The following MPHOSPH8 variants were observed in gnomAD, a reference collection of about 807,000 sequenced individuals.
MPHOSPH8 encodes the protein M-phase phosphoprotein, mpp.
MPHOSPH8 carries 45 observed loss-of-function variants against 87.3 expected under a neutral mutation model. The ratio of observed to expected loss-of-function variants is 0.52; its 90% CI spans 0.41 to 0.66. The LOEUF (loss-of-function observed/expected upper bound fraction) is 0.66. Ranked by LOEUF, MPHOSPH8 falls within the 30% of genes least tolerant of loss-of-function variation. The probability of loss-of-function intolerance (pLI) is 0.00; values close to 1 mark genes in which losing one functional copy is unlikely to be tolerated. For synonymous variants in MPHOSPH8, 366 were observed against 376.9 expected (o/e 0.97, Z 0.33); for missense variants, 883 against 1,020.2 (o/e 0.87, Z 1.83).
intron 4 of MPHOSPH8, among the ~76,000 whole-genome samples, chr13:19,649,599 T>C (rs556386447): frequency 4.2e-4 from 64 of 152,324 alleles, no homozygotes; most frequent in Non-Finnish European, 8.4e-4. Context: ...CCCTGCTGTT[T>C]CCCTCACTTG....
At chr13:19,641,897 G>T (rs1347301492) in intron 1 of MPHOSPH8, among the ~76,000 whole-genome samples, 1 of 152,022 alleles carries the variant, frequency 6.6e-6, no homozygotes, top group African/African-American at 2.4e-5. Context: ...ACCTCCCAAA[G>T]TGCTGGGATT....
At position 19,672,961 on chromosome 13, in the gene MPHOSPH8, T is replaced by C; in HGVS notation, c.*1086T>C. The C allele has an allele frequency of 2.5e-6, 1 of 393,780 alleles. No homozygotes were observed. The highest frequency in any genetic ancestry group is 1.9e-5 in the South Asian group (1 of 51,744). 24.4% of individuals were successfully genotyped at this position (393,780 alleles called of 1,614,324 possible). On this transcript the variant is annotated 3_prime_UTR_variant, in exon 14 of 14. Coordinates refer to ENST00000361479, the MANE Select transcript of MPHOSPH8 (RefSeq NM_017520.4). Reference sequence around the variant, plus strand: ...GTCCCAGATACTCAGGAGGCTGAGGTGAAAGGATTGCTTGAGCCAGGGAGG... The same window carrying C: ...GTCCCAGATACTCAGGAGGCTGAGGCGAAAGGATTGCTTGAGCCAGGGAGG...
At chr13:19,655,476 C>T (rs913796707) in intron 5 of MPHOSPH8, among the ~76,000 whole-genome samples, 2 of 137,926 alleles carry the variant, frequency 1.5e-5, no homozygotes, top group Non-Finnish European at 3.0e-5. Flanking sequence ...TCAAAAACAC[C>T]ACCACCACCA....
chr13:19,662,450 G>A (rs1204391539), intron 8 of MPHOSPH8, among the ~76,000 whole-genome samples: 1 of 151,848 alleles, frequency 6.6e-6, no homozygotes, highest in Non-Finnish European at 1.5e-5. Flanking sequence ...TAAAGACATG[G>A]TCTCACTGTG....
intron 9 of MPHOSPH8, among the ~76,000 whole-genome samples, chr13:19,664,882 G>A (rs1311946558): frequency 6.6e-6 from 1 of 152,138 alleles, no homozygotes; most frequent in Non-Finnish European, 1.5e-5. Context: ...GTAGCCATAG[G>A]TTGAGAGTGG....
At position 19,663,091 on chromosome 13, in the gene MPHOSPH8, G is replaced by T; in HGVS notation, c.1984G>T (p.Val662Phe). The T allele has an allele frequency of 6.2e-7, 1 of 1,614,050 alleles. No homozygotes were observed. Among genetic ancestry groups the T allele is most frequent in the Non-Finnish European group, 8.5e-7 (1 of 1,179,882 alleles). ...TTTGGAAGCAGGAGCTTTTGTAAAT[G>T]TCCAGCAAAGCAATGGTGAGACTGC... ...ILLEAGAFVNVQQSNGETALM... is the reference protein window; with the variant it reads ...ILLEAGAFVNFQQSNGETALM... Residue 662 changes from valine (V) to phenylalanine (F), a missense_variant, in exon 9 of 14, where the codon GTC becomes TTC. Coordinates refer to ENST00000361479, the MANE Select transcript of MPHOSPH8 (RefSeq NM_017520.4).
rs1222814472 is a variant in MPHOSPH8, at chr13:19,666,518, C to T, written c.2113C>T (p.His705Tyr). ...ILSKHQNSAL[H>Y]FAKQSNNVLV... ...GTCAAAGCACCAGAATAGTGCCCTG[C>T]ACTTTGCGAAGCAGTCTAACAATGT... Residue 705 changes from histidine to tyrosine, a missense_variant, in exon 10 of 14, where the codon CAC (histidine) becomes TAC (tyrosine). Physicochemically the swap from His to Tyr is moderately conservative, Grantham distance 83. Coordinates refer to ENST00000361479, the MANE Select transcript of MPHOSPH8 (RefSeq NM_017520.4). 3.7e-6 allele frequency: 6 copies of T among 1,607,656 alleles called. No individual in the cohort carries two copies. The African/African-American group carries it at 6.7e-5, about 18-fold the overall frequency.
intron 5 of MPHOSPH8, among the ~76,000 whole-genome samples, chr13:19,654,200 C>A (rs1875025789): frequency 6.6e-6 from 1 of 152,190 alleles, no homozygotes. Context: ...AGACTAACAT[C>A]ATTCTCAGCA....
chr13:19,670,376 G>GT lies in MPHOSPH8; in HGVS notation c.2457+14dup. On this transcript the variant is annotated intron_variant, in intron 12 of 13. Transcript: ENST00000361479. ...TCCTGTTTTTCTGGTAAGATACTCT[G>GT]TATTTCACTACTGAAAAGTACATTC... is the stretch of plus-strand genomic sequence containing the variant. 1.2e-6 allele frequency: 2 copies of GT among 1,611,788 alleles called. No individual in the cohort carries two copies. Among genetic ancestry groups the GT allele is most frequent in the South Asian group, 1.1e-5 (1 of 90,720 alleles).
chr13:19,662,970 T>A (rs1875627535), intron 8 of MPHOSPH8, 70 bp from the exon 9 acceptor site: 1 of 1,367,900 alleles, frequency 7.3e-7, no homozygotes. Flanking sequence ...TGACTAAAAA[T>A]TTCAAAATAT....
Position 19,654,738 on chromosome 13 carries a change from C to T in MPHOSPH8, c.1577-4257C>T, listed in dbSNP as rs567667665. Among the ~76,000 whole-genome samples, 9 of 152,222 alleles carry T rather than the reference C, an allele frequency of 5.9e-5. No individual in the cohort carries two copies. In the South Asian group the frequency reaches 1.0e-3, roughly 18 times the overall value. On this transcript the variant is annotated intron_variant, in intron 5 of 13. Coordinates refer to ENST00000361479, the MANE Select transcript of MPHOSPH8 (RefSeq NM_017520.4). ...CCGAGGCGGGTGAATCACCTGAGGTCGGGAGTTCGAGACCAGCCTTACCAA... is the reference window on the plus strand; with the variant it reads ...CCGAGGCGGGTGAATCACCTGAGGTTGGGAGTTCGAGACCAGCCTTACCAA...
At chr13:19,640,065 C>T (rs1874207727) in intron 1 of MPHOSPH8, among the ~76,000 whole-genome samples, 1 of 151,740 alleles carries the variant, frequency 6.6e-6, no homozygotes, top group African/African-American at 2.4e-5. Context: ...AAGATCGCGC[C>T]ACTACTCTGC....
chr13:19,660,914 G>T (rs1875488718), intron 7 of MPHOSPH8: 2 of 984,810 alleles, frequency 2.0e-6, no homozygotes, highest in South Asian at 9.4e-5. Context: ...ATTTTGTATG[G>T]TGCAAACTTT....
intron 12 of MPHOSPH8, 47 bp downstream of exon 12, chr13:19,670,410 A>C (rs1445738401): frequency 6.4e-7 from 1 of 1,574,354 alleles, no homozygotes; most frequent in Admixed American, 1.8e-5. Flanking sequence ...TCTTCTAATC[A>C]AAAGCACAGA....
chr13:19,657,391 CA>C (rs1424696391), intron 5 of MPHOSPH8, among the ~76,000 whole-genome samples: 1 of 150,718 alleles, frequency 6.6e-6, no homozygotes, highest in Non-Finnish European at 1.5e-5. Context: ...ATTTTTTTTG[CA>C]TGAGCAAAAA....
chr13:19,670,892 T>A, intron 12 of MPHOSPH8: 1 of 1,019,992 alleles, frequency 9.8e-7, no homozygotes, highest in African/African-American at 1.6e-5. Flanking sequence ...GGATTACAGC[T>A]CACTGGAGTC....
At chr13:19,639,166 G>A (rs1232299324) in intron 1 of MPHOSPH8, among the ~76,000 whole-genome samples, 1 of 152,050 alleles carries the variant, frequency 6.6e-6, no homozygotes, top group Admixed American at 6.6e-5. Flanking sequence ...TACAGGGTCT[G>A]TGTGTCTTTG....
intron 1 of MPHOSPH8, among the ~76,000 whole-genome samples, chr13:19,634,279 A>ATGATT (rs1405579023): frequency 6.6e-6 from 1 of 152,190 alleles, no homozygotes; most frequent in African/African-American, 2.4e-5. Context: ...TTGGCGTGAT[A>ATGATT]TGATAGTGAA....
intron 5 of MPHOSPH8, among the ~76,000 whole-genome samples, chr13:19,652,111 A>G (rs572997283): frequency 3.3e-5 from 5 of 152,328 alleles, no homozygotes; most frequent in African/African-American, 1.2e-4. Context: ...CAAAATAAAA[A>G]AAGAACATGA....
Sources: gnomAD v4.1 joint callset for allele counts (sites outside exome capture counted in the v4.1 genomes callset) on GRCh38, gnomAD v4.1.1 for gene constraint, MANE v1.5 for transcripts, NCBI Gene and HGNC (gene_info 2026-07-23, HGNC 2026-07-21) for gene names.